UEVLD: variants seen among roughly 807,000 people sequenced by gnomAD.
UEVLD encodes UEV and lactate/malate dehyrogenase domains.
Under a neutral mutation model 58.6 loss-of-function variants are expected in UEVLD, and 47 were observed. The observed-to-expected ratio is 0.80, with a 90% CI of 0.63 to 1.02. The LOEUF (loss-of-function observed/expected upper bound fraction) is 1.02, where lower values mean the gene tolerates loss of function less well. Among genes scored for constraint, UEVLD ranks in the 50% least tolerant of loss-of-function variants. The probability of loss-of-function intolerance (pLI) is 0.00; values close to 1 mark genes in which losing one functional copy is unlikely to be tolerated. For synonymous variants in UEVLD, 197 were observed against 195.3 expected, an observed-to-expected ratio of 1.01 and a Z score of -0.07; for missense variants, 510 against 550.6, an observed-to-expected ratio of 0.93 and a Z score of 0.74.
chr11:18,559,436 T>C (rs1851908414), intron 6 of UEVLD, among the ~76,000 whole-genome samples: 1 of 152,146 alleles, frequency 6.6e-6, no homozygotes, highest in Admixed American at 6.6e-5. Context: ...TGACCTCAAG[T>C]GATCTGCCTG....
chr11:18,566,236 C>T, intron 5 of UEVLD, 111 bp downstream of exon 5: 3 of 1,452,922 alleles, frequency 2.1e-6, no homozygotes, highest in Non-Finnish European at 9.4e-7. Context: ...AACAGATGTA[C>T]ATACGCACAC....
At chr11:18,535,551 C>G (rs1850756362) in intron 10 of UEVLD, among the ~76,000 whole-genome samples, 1 of 152,134 alleles carries the variant, frequency 6.6e-6, no homozygotes, top group South Asian at 2.1e-4. Context: ...AAGCTGATGG[C>G]TTTGAAAGCT....
At chr11:18,569,570 C>T (rs1246057138) in intron 4 of UEVLD, among the ~76,000 whole-genome samples, 2 of 152,094 alleles carry the variant, frequency 1.3e-5, no homozygotes, top group Admixed American at 6.6e-5. Context: ...AAATGTCTTA[C>T]GTTAGGGCAA....
intron 7 of UEVLD, among the ~76,000 whole-genome samples, chr11:18,553,299 C>G (rs984400310): frequency 2.0e-5 from 3 of 150,060 alleles, no homozygotes; most frequent in Non-Finnish European, 4.4e-5. Context: ...GCACTCCAGC[C>G]TGTGCATCAG....
At chr11:18,572,171 G>A (rs1021701197) in intron 3 of UEVLD, among the ~76,000 whole-genome samples, 13 of 152,116 alleles carry the variant, frequency 8.5e-5, no homozygotes, top group African/African-American at 3.1e-4. Context: ...GGGAGGCGGC[G>A]TTTGCAGTGA....
At chr11:18,544,500 G>A in intron 9 of UEVLD, 123 bp downstream of exon 9, 1 of 988,602 alleles carries the variant, frequency 1.0e-6, no homozygotes, top group Non-Finnish European at 1.5e-6. Context: ...TAGAGATGGG[G>A]TCTTGCTATG....
chr11:18,565,351 A>G (rs1042139516), intron 5 of UEVLD, among the ~76,000 whole-genome samples: 10 of 152,342 alleles, frequency 6.6e-5, no homozygotes, highest in African/African-American at 2.4e-4. Flanking sequence ...ACACCTTACC[A>G]AATGTTTCAA....
intron 7 of UEVLD, among the ~76,000 whole-genome samples, chr11:18,555,979 T>C (rs1851740106): frequency 6.6e-6 from 1 of 152,024 alleles, no homozygotes; most frequent in Non-Finnish European, 1.5e-5. Flanking sequence ...CCACAATTAA[T>C]AAGGGGAACA....
chr11:18,532,144 T>A lies in UEVLD; in HGVS notation c.*176A>T, dbSNP rs1373106445. ...CAAATAAAATTAATTTTTCCCCTCC[T>A]TGTATAACTCCTTAAGGATTTACAT... is the stretch of plus-strand genomic sequence containing the variant. On this transcript the variant is annotated 3_prime_UTR_variant, in exon 12 of 12. Coordinates refer to ENST00000396197, the MANE Select transcript of UEVLD (RefSeq NM_001040697.4). The A allele has an allele frequency of 2.0e-6, 1 of 495,980 alleles. No homozygotes were observed. Among genetic ancestry groups the A allele is most frequent in the Non-Finnish European group, 3.3e-6 (1 of 301,218 alleles). The allele number at this position is 495,980 out of a possible 1,614,324, so 30.7% of individuals were successfully genotyped here.
intron 2 of UEVLD, among the ~76,000 whole-genome samples, chr11:18,577,663 A>G (rs1231961807): frequency 1.3e-5 from 2 of 152,216 alleles, no homozygotes; most frequent in African/African-American, 4.8e-5. Context: ...TGAGGTCAGG[A>G]GTTCGAGACC....
chr11:18,554,499 C>A (rs1049451224), intron 7 of UEVLD, among the ~76,000 whole-genome samples: 3 of 150,156 alleles, frequency 2.0e-5, no homozygotes, highest in Non-Finnish European at 4.4e-5. Context: ...CAGGTTCAAG[C>A]GATCTTCCTG....
intron 1 of UEVLD, among the ~76,000 whole-genome samples, chr11:18,587,230 A>G (rs1853621893): frequency 6.6e-6 from 1 of 152,208 alleles, no homozygotes; most frequent in Non-Finnish European, 1.5e-5. Context: ...CCCATCGGAC[A>G]ATCCATCATC....
chr11:18,580,198 A>G (rs2134064864), intron 1 of UEVLD, among the ~76,000 whole-genome samples: 1 of 152,302 alleles, frequency 6.6e-6, no homozygotes, highest in South Asian at 2.1e-4. Flanking sequence ...GGAGAAAATA[A>G]CAAGTGTTGG....
chr11:18,534,536 A>G (rs1029326659), intron 10 of UEVLD, 83 bp from the exon 11 acceptor site: 25 of 1,391,824 alleles, frequency 1.8e-5, no homozygotes, highest in Middle Eastern at 1.9e-4. Flanking sequence ...TATTAATTAG[A>G]TGTTTCTATG....
In UEVLD at chr11:18,583,418, C is replaced by T. The variant is rs912057895; in HGVS notation, c.43-4610G>A. Among the ~76,000 whole-genome samples the T allele has an allele frequency of 4.0e-5, 6 of 151,862 alleles. No homozygotes were observed. The East Asian group carries it at 7.7e-4, about 20-fold the overall frequency. On this transcript the variant is annotated intron_variant, in intron 1 of 11. Coordinates refer to ENST00000396197, the MANE Select transcript of UEVLD (RefSeq NM_001040697.4). ...GTTTTTAGTGGAGATGGGGTTTCAT[C>T]GTGTTGGCCAGGCTGGTCTCGAACT... is the stretch of plus-strand genomic sequence containing the variant.
intron 5 of UEVLD, among the ~76,000 whole-genome samples, chr11:18,565,474 A>G (rs1214219561): frequency 2.0e-5 from 3 of 152,234 alleles, no homozygotes; most frequent in East Asian, 1.9e-4. Flanking sequence ...GGGATCATTA[A>G]TATACAGCAA....
rs1258468803 is a variant in UEVLD, at chr11:18,544,762, A to G, written c.921T>C (p.Ser307=). ...EIMTYVTWKL[S]TFPANRVIGI... ...CGATCACTCGATTTGCAGGAAATGT[A>G]CTCAGTTTCCATGTTACATAGGTCA... Residue 307 remains serine, a synonymous_variant, in exon 9 of 12, where the codon AGT becomes AGC. Transcript: ENST00000396197. The G allele has an allele frequency of 6.4e-7, 1 of 1,567,088 alleles. No homozygotes were observed. Among genetic ancestry groups the G allele is most frequent in the South Asian group, 1.2e-5 (1 of 82,806 alleles).
intron 9 of UEVLD, among the ~76,000 whole-genome samples, chr11:18,542,885 C>CTT (rs1323061711): frequency 5.1e-5 from 5 of 97,172 alleles, no homozygotes; most frequent in African/African-American, 1.1e-4. Flanking sequence ...ATTTTCTTTT[C>CTT]TTTTCTTTTT....
At chr11:18,564,021 A>G in intron 6 of UEVLD, 2 of 358,066 alleles carry the variant, frequency 5.6e-6, no homozygotes, top group South Asian at 2.3e-5. Context: ...AAAAAAAAAA[A>G]AAAGAGGTGA....
Sources: allele counts gnomAD v4.1 joint callset (sites outside exome capture counted in the v4.1 genomes callset), GRCh38; gene constraint gnomAD v4.1.1; transcripts MANE v1.5; gene names NCBI Gene and HGNC (gene_info 2026-07-23, HGNC 2026-07-21).